The following MEIOB variants were observed in gnomAD, a reference collection of about 807,000 sequenced individuals.
MEIOB encodes the protein meiosis-specific with OB domain-containing protein.
MEIOB carries 50 observed loss-of-function variants against 53.1 expected under a neutral mutation model. The ratio of observed to expected loss-of-function variants is 0.94; its 90% confidence interval spans 0.75 to 1.19. The LOEUF (loss-of-function observed/expected upper bound fraction) is 1.19, where lower values mean the gene tolerates loss of function less well. MEIOB is among the 50% of genes most tolerant of loss of function. The pLI, the probability that MEIOB is intolerant of heterozygous loss-of-function variation, is 0.00. For synonymous variants in MEIOB, 192 were observed against 182.5 expected (o/e 1.05, Z -0.42); for missense variants, 551 against 550.8 (o/e 1.00, Z 0.00).
intron 1 of MEIOB, among the ~76,000 whole-genome samples, chr16:1,871,041 T>A (rs1259366983): frequency 5.3e-5 from 8 of 152,084 alleles, no homozygotes; most frequent in African/African-American, 1.9e-4. Flanking sequence ...TTCCCTTATT[T>A]GTCTGCTACC....
At chr16:1,859,265 G>T (rs753980495) in intron 5 of MEIOB, among the ~76,000 whole-genome samples, 4 of 152,232 alleles carry the variant, frequency 2.6e-5, no homozygotes, top group Non-Finnish European at 4.4e-5. Flanking sequence ...AGTTTGGCCA[G>T]GCGCGGTGGC....
intron 11 of MEIOB, chr16:1,839,676 T>G: frequency 2.3e-6 from 1 of 434,868 alleles, no homozygotes. Flanking sequence ...CCTCCTTCCC[T>G]CCCTCTGCCA....
At chr16:1,847,974 G>C (rs184420378) in intron 9 of MEIOB, among the ~76,000 whole-genome samples, 1 of 151,988 alleles carries the variant, frequency 6.6e-6, no homozygotes, top group South Asian at 2.1e-4. Flanking sequence ...TTGAGACAGG[G>C]TCTTGCTCTG....
At chr16:1,840,535 TC>T (rs1392263119) in intron 11 of MEIOB, among the ~76,000 whole-genome samples, 4 of 103,798 alleles carry the variant, frequency 3.9e-5, no homozygotes, top group African/African-American at 1.6e-4. Context: ...ACAAGGGATC[TC>T]TCTTATTATT....
At chr16:1,861,361 A>AAG (rs1899436010) in intron 4 of MEIOB, among the ~76,000 whole-genome samples, 1 of 152,162 alleles carries the variant, frequency 6.6e-6, no homozygotes, top group Non-Finnish European at 1.5e-5. Flanking sequence ...TTTTATCAAA[A>AAG]TATATTCAGT....
At position 1,866,057 on chromosome 16, in the gene MEIOB, AT is replaced by A. The variant is rs1380258621; in HGVS notation, c.70-223del. Among the ~76,000 whole-genome samples, 36 of 152,366 alleles carry A rather than the reference AT, an allele frequency of 2.4e-4. 1 individual carries two copies. The South Asian group carries it at 7.2e-3, about 31-fold the overall frequency. Reference sequence around the variant, plus strand: ...CCAAAAGTTAACTACTATTACAAATATAATCATTTAATACTTAGCATATTTC... The same window carrying A: ...CCAAAAGTTAACTACTATTACAAATAAATCATTTAATACTTAGCATATTTC... On this transcript the variant is annotated intron_variant, in intron 2 of 13. Coordinates refer to ENST00000325962, the MANE Select transcript of MEIOB (RefSeq NM_001163560.3).
chr16:1,867,181 G>A (rs1899613922), intron 2 of MEIOB, among the ~76,000 whole-genome samples: 1 of 152,070 alleles, frequency 6.6e-6, no homozygotes, highest in Non-Finnish European at 1.5e-5. Context: ...GAGTGCTCAG[G>A]GGCAGGGAAG....
intron 9 of MEIOB, among the ~76,000 whole-genome samples, chr16:1,851,952 A>G (rs1437113125): frequency 6.6e-6 from 1 of 152,164 alleles, no homozygotes; most frequent in Non-Finnish European, 1.5e-5. Flanking sequence ...GCTCACAGGC[A>G]CTAATCCCTC....
chr16:1,854,321 G>C (rs1742423), intron 6 of MEIOB, 121 bp from the exon 7 acceptor site: 511,190 of 618,110 alleles, frequency 0.83, 211,804 homozygotes, highest in Middle Eastern at 0.88. Flanking sequence ...AAACTAGCAA[G>C]AACCAGTAAT....
intron 4 of MEIOB, 23 bp downstream of exon 4, chr16:1,861,962 T>A: frequency 1.3e-6 from 2 of 1,546,656 alleles, no homozygotes; most frequent in Non-Finnish European, 1.7e-6. Context: ...ATGGAAAAAG[T>A]TTAAGAATCA....
Position 1,853,031 on chromosome 16 carries a change from T to A in MEIOB, c.778+8A>T. ...CAAAGGGATAAAAGGTTTCACAAAG[T>A]TTTTTACCTGGATTAGTTGTAATAA... On this transcript the variant is annotated splice_region_variant and intron_variant, in intron 9 of 13. Transcript: ENST00000325962. 5 of 1,583,276 alleles carry A rather than the reference T, an allele frequency of 3.2e-6. No individual in the cohort carries two copies. Among genetic ancestry groups the A allele is most frequent in the Non-Finnish European group, 4.3e-6 (5 of 1,153,432 alleles).
chr16:1,860,567 T>C (rs1899416335), intron 4 of MEIOB, 92 bp from the exon 5 acceptor site: 1 of 707,552 alleles, frequency 1.4e-6, no homozygotes, highest in Non-Finnish European at 2.4e-6. Flanking sequence ...TTTATGATCA[T>C]CATCGACTCT....
intron 11 of MEIOB, chr16:1,840,954 T>G (rs1898890582): frequency 6.6e-6 from 1 of 152,016 alleles, no homozygotes; most frequent in Non-Finnish European, 1.5e-5. Context: ...ACACATTTCT[T>G]GCCAAGCATC....
intron 9 of MEIOB, among the ~76,000 whole-genome samples, chr16:1,852,805 C>G (rs527317210): frequency 1.3e-5 from 2 of 152,338 alleles, no homozygotes; most frequent in East Asian, 3.9e-4. Flanking sequence ...ATCCACCTGC[C>G]TTGGCCTCCC....
chr16:1,848,506 A>G (rs1899077320), intron 9 of MEIOB, among the ~76,000 whole-genome samples: 1 of 149,698 alleles, frequency 6.7e-6, no homozygotes, highest in Admixed American at 6.7e-5. Flanking sequence ...AATAAGGAGA[A>G]TCCTATCATC....
rs1342790365 is a variant in MEIOB at position 1,857,923 on chromosome 16, T to C, written c.340A>G (p.Lys114Glu). Residue 114 changes from lysine (K) to glutamate (E), a missense_variant, in exon 6 of 14, where the codon AAA becomes GAA. Physicochemically the swap from Lys to Glu is moderately conservative, Grantham distance 56. Transcript: ENST00000325962. ...KFSPATPSNCKLLLSENHSTV... is the reference protein window; with the variant it reads ...KFSPATPSNCELLLSENHSTV... The stretch of plus-strand genomic sequence containing the variant: ...GAGTGATTCTCACTGAGCAACAGTT[T>C]ACAGTTGCTAAATTGCAAAAACACA... The C allele has an allele frequency of 1.3e-6, 2 of 1,519,824 alleles. No individual in the cohort carries two copies. Among genetic ancestry groups the C allele is most frequent in the East Asian group, 2.5e-5 (1 of 40,366 alleles). The allele number at this position is 1,519,824 out of a possible 1,614,324, so 94.1% of individuals were successfully genotyped here. A position where few individuals can be genotyped will look rare whatever the true frequency, so the allele number is the denominator to read the frequency against.
At chr16:1,836,506 G>A (rs1364355002) in intron 13 of MEIOB, among the ~76,000 whole-genome samples, 3 of 147,218 alleles carry the variant, frequency 2.0e-5, no homozygotes, top group Non-Finnish European at 4.6e-5. Flanking sequence ...ACAGTATTTA[G>A]GGGCCCATGC....
chr16:1,839,245 TGC>T lies in MEIOB; in HGVS notation c.1218+8_1218+9del. 6.4e-7 allele frequency: 1 copy of T among 1,559,188 alleles called. No homozygotes were observed. The highest frequency in any genetic ancestry group is 1.4e-5 in the African/African-American group (1 of 72,568). On this transcript the variant is annotated splice_region_variant and intron_variant, in intron 12 of 13. Coordinates refer to ENST00000325962, the MANE Select transcript of MEIOB (RefSeq NM_001163560.3). Reference sequence around the variant, plus strand: ...AATATTCTAAACATTTCTTCCTTTTTGCTATTTACCGTGCAGCCCAAAGTCTC... The same window carrying T: ...AATATTCTAAACATTTCTTCCTTTTTTATTTACCGTGCAGCCCAAAGTCTC...
intron 2 of MEIOB, among the ~76,000 whole-genome samples, chr16:1,867,308 A>G (rs923529519): frequency 2.0e-5 from 3 of 152,206 alleles, no homozygotes; most frequent in Admixed American, 1.3e-4. Flanking sequence ...GAATTCCCCT[A>G]TAACTCCTAC....
Sources: gnomAD v4.1 joint callset for allele counts (sites outside exome capture counted in the v4.1 genomes callset) on GRCh38, gnomAD v4.1.1 for gene constraint, MANE v1.5 for transcripts, NCBI Gene and HGNC (gene_info 2026-07-23, HGNC 2026-07-21) for gene names.